TRIB3: variants seen among roughly 807,000 people sequenced by gnomAD.
TRIB3 encodes the protein tribbles pseudokinase 3, also known as tribbles homolog 3.
In TRIB3, 20 loss-of-function variants were observed where a neutral mutation model predicts 16.6. That is an observed-to-expected ratio of 1.20 (90% CI 0.85 to 1.75). TRIB3 has a LOEUF of 1.75. Among genes scored for constraint, TRIB3 ranks in the 40% most tolerant of loss-of-function variants. The pLI is 0.00. For synonymous variants in TRIB3, 208 were observed against 217.0 expected (o/e 0.96, Z 0.36); for missense variants, 484 against 488.9 (o/e 0.99, Z 0.10).
At position 391,546 on chromosome 20, in the gene TRIB3, A is replaced by G. The variant is rs1411860615; in HGVS notation, c.551A>G (p.Lys184Arg). ...HQHGLVLRDL[K>R]LCRFVFADRE... ...CACGGTCTGGTCCTGCGTGATCTCA[A>G]GCTGTGTCGCTTTGTCTTCGCTGAC... Residue 184 changes from lysine (K) to arginine (R), a missense_variant, in exon 3 of 4, where the codon AAG (lysine) becomes AGG (arginine). Lys to Arg is a conservative substitution (Grantham distance 26). Coordinates refer to ENST00000217233, the MANE Select transcript of TRIB3 (RefSeq NM_021158.5). 3 of 1,612,528 alleles carry G rather than the reference A, an allele frequency of 1.9e-6. No individual in the cohort carries two copies. The Admixed American group carries it at 5.0e-5, about 27-fold the overall frequency.
rs762231216 is a variant in TRIB3, at chr20:391,171, G to A, written c.292-116G>A. On this transcript the variant is annotated intron_variant, in intron 2 of 3. Transcript: ENST00000217233. ...GGCTGAGTGACTCGGTCAGTGAAGCGCTTGGTGCGATGCCTAGCACATGGT... is the reference window on the plus strand; with the variant it reads ...GGCTGAGTGACTCGGTCAGTGAAGCACTTGGTGCGATGCCTAGCACATGGT... 1.1e-4 allele frequency: 127 copies of A among 1,170,584 alleles called. 2 individuals carry two copies. Among genetic ancestry groups the A allele is most frequent in the African/African-American group, 1.0e-3 (69 of 65,942 alleles). The allele number at this position is 1,170,584 out of a possible 1,614,324, so 72.5% of individuals were successfully genotyped here.
intron 1 of TRIB3, among the ~76,000 whole-genome samples, chr20:384,258 A>C (rs1340761629): frequency 2.0e-5 from 3 of 152,192 alleles, no homozygotes; most frequent in African/African-American, 7.2e-5. Flanking sequence ...GTGGCTCCCC[A>C]CTGCCTTTGG....
chr20:396,506 G>A lies in TRIB3; in HGVS notation c.893G>A (p.Arg298Gln), dbSNP rs762486995. 1.3e-5 allele frequency: 21 copies of A among 1,612,962 alleles called. No homozygotes were observed. The highest frequency in any genetic ancestry group is 2.2e-5 in the South Asian group (2 of 91,088). Residue 298 changes from arginine to glutamine, a missense_variant, in exon 4 of 4, where the codon CGG (arginine) becomes CAG (glutamine). Physicochemically the swap from Arg to Gln is conservative, Grantham distance 43. Transcript: ENST00000217233. Reference protein sequence around the residue: ...ARCLVRCLLRREPAERLTATG... With the variant: ...ARCLVRCLLRQEPAERLTATG... ...TGTCTGGTTCGCTGCCTCCTTCGTC[G>A]GGAGCCAGCTGAACGGCTCACAGCC...
intron 2 of TRIB3, among the ~76,000 whole-genome samples, chr20:390,020 C>T (rs1041761533): frequency 2.6e-5 from 4 of 152,112 alleles, no homozygotes; most frequent in Non-Finnish European, 4.4e-5. Flanking sequence ...ACTAAACAAG[C>T]GAATAAGTAA....
intron 2 of TRIB3, 66 bp from the exon 3 acceptor site, chr20:391,221 T>G: frequency 6.5e-7 from 1 of 1,542,088 alleles, no homozygotes; most frequent in Admixed American, 1.7e-5. Context: ...CAGCTGTGAC[T>G]GTTTGCAATG....
In TRIB3 at chr20:391,469, G is replaced by A. The variant is rs1322993847; in HGVS notation, c.474G>A (p.Glu158=). 1 of 1,613,912 alleles carries A rather than the reference G, an allele frequency of 6.2e-7. No homozygotes were observed. The highest frequency in any genetic ancestry group is 1.3e-5 in the African/African-American group (1 of 75,078). The change falls in exon 3 of 4, where the codon GAG becomes GAA. Residue 158 remains glutamate, a synonymous_variant. Coordinates refer to ENST00000217233, the MANE Select transcript of TRIB3 (RefSeq NM_021158.5). The part of the protein sequence containing the change: ...VRSRHRIPEP[E]AAVLFRQMAT... ...GCCGCCACCGTATCCCTGAGCCTGA[G>A]GCTGCCGTGCTCTTCCGCCAGATGG...
chr20:385,899 C>CT (rs2014793047), intron 1 of TRIB3, among the ~76,000 whole-genome samples: 1 of 141,374 alleles, frequency 7.1e-6, no homozygotes, highest in South Asian at 2.6e-4. Context: ...TACTCTGTCA[C>CT]CAGGCTGGAG....
chr20:385,448 T>G (rs2014779529), intron 1 of TRIB3: 1 of 151,618 alleles, frequency 6.6e-6, no homozygotes, highest in African/African-American at 2.4e-5. Context: ...CACTTTTTTT[T>G]GCAGTCACGC....
At chr20:390,427 T>C (rs2014940015) in intron 2 of TRIB3, among the ~76,000 whole-genome samples, 1 of 152,218 alleles carries the variant, frequency 6.6e-6, no homozygotes, top group Admixed American at 6.5e-5. Flanking sequence ...TTTCTGGGCA[T>C]GTTTGCATGG....
rs1306261913 is a variant in TRIB3 at position 381,039 on chromosome 20, G to C, written c.-131G>C. The C allele has an allele frequency of 6.7e-6, 1 of 150,272 alleles. No individual in the cohort carries two copies. The highest frequency in any genetic ancestry group is 2.1e-4 in the South Asian group (1 of 4,704). 9.3% of individuals were successfully genotyped at this position (150,272 alleles called of 1,614,324 possible). A position where few individuals can be genotyped will look rare whatever the true frequency, so the allele number is the denominator to read the frequency against. ...CGGCTCCGCGCGCGTCCGCTGCTAG[G>C]ACCCGGGCAGGGCTGGAGCTGGGCT... On this transcript the variant is annotated 5_prime_UTR_variant, in exon 1 of 4. Coordinates refer to ENST00000217233, the MANE Select transcript of TRIB3 (RefSeq NM_021158.5).
chr20:383,920 C>T (rs1382499062), intron 1 of TRIB3, among the ~76,000 whole-genome samples: 1 of 152,154 alleles, frequency 6.6e-6, no homozygotes, highest in Non-Finnish European at 1.5e-5. Context: ...TCCACAGTCC[C>T]CAAAATACAG....
Position 388,033 on chromosome 20 carries a change from C to A in TRIB3, c.23C>A (p.Ala8Asp). MRATPLA[A>D]PAGSLSRKKR... ...CAGATGCGAGCCACCCCTCTGGCTG[C>A]TCCTGCGGGTTCCCTGTCCAGGAAG... The change falls in exon 2 of 4, where the codon GCT becomes GAT. Residue 8 changes from alanine to aspartate, a missense_variant. Transcript: ENST00000217233. 1 of 1,613,884 alleles carries A rather than the reference C, an allele frequency of 6.2e-7. No individual in the cohort carries two copies. Among genetic ancestry groups the A allele is most frequent in the Non-Finnish European group, 8.5e-7 (1 of 1,179,790 alleles).
At chr20:388,461 A>G (rs896452532) in intron 2 of TRIB3, among the ~76,000 whole-genome samples, 160 bp downstream of exon 2, 1 of 152,178 alleles carries the variant, frequency 6.6e-6, no homozygotes, top group African/African-American at 2.4e-5. Flanking sequence ...GATACTAGAG[A>G]GGTAAACCAG....
At chr20:390,475 T>C (rs2014941425) in intron 2 of TRIB3, among the ~76,000 whole-genome samples, 1 of 152,200 alleles carries the variant, frequency 6.6e-6, no homozygotes, top group Non-Finnish European at 1.5e-5. Context: ...CCCATGGCTG[T>C]CAGTCTAGCT....
chr20:387,631 C>T (rs977024544), intron 1 of TRIB3, among the ~76,000 whole-genome samples: 14 of 151,414 alleles, frequency 9.2e-5, no homozygotes, highest in Admixed American at 7.9e-4. Flanking sequence ...CTTAATACAT[C>T]TTGGAGATCA....
intron 3 of TRIB3, among the ~76,000 whole-genome samples, chr20:394,707 GC>G (rs1449134616): frequency 6.6e-6 from 1 of 151,876 alleles, no homozygotes; most frequent in Admixed American, 6.6e-5. Flanking sequence ...GATTGCTTGA[GC>G]CCAGAAGTTT....
At position 396,635 on chromosome 20, in the gene TRIB3, G is replaced by A; in HGVS notation, c.1022G>A (p.Gly341Glu). Residue 341 changes from glycine to glutamate, a missense_variant, in exon 4 of 4, where the codon GGG (glycine) becomes GAG (glutamate). Coordinates refer to ENST00000217233, the MANE Select transcript of TRIB3 (RefSeq NM_021158.5). ...GCCCAGGTGGTCCCTGATGGACTGG[G>A]GCTGGACGAAGCCAGGGAAGAGGAG... ...EAAQVVPDGL[G>E]LDEAREEEGD... is the part of the protein sequence containing the mutation. 1.2e-6 allele frequency: 2 copies of A among 1,613,002 alleles called. No individual in the cohort carries two copies. Among genetic ancestry groups the A allele is most frequent in the Admixed American group, 1.7e-5 (1 of 60,026 alleles).
chr20:392,102 T>C (rs1346121547), intron 3 of TRIB3, among the ~76,000 whole-genome samples: 2 of 151,984 alleles, frequency 1.3e-5, no homozygotes, highest in Non-Finnish European at 2.9e-5. Flanking sequence ...GTGAAAGTCA[T>C]AGTAGCCGAC....
intron 3 of TRIB3, among the ~76,000 whole-genome samples, chr20:394,543 G>A (rs577008045): frequency 1.3e-5 from 2 of 152,188 alleles, no homozygotes; most frequent in African/African-American, 4.8e-5. Flanking sequence ...CCAGTGCTTC[G>A]GGAAGCCAAA....
Sources: allele counts gnomAD v4.1 joint callset (sites outside exome capture counted in the v4.1 genomes callset), GRCh38; gene constraint gnomAD v4.1.1; transcripts MANE v1.5; gene names NCBI Gene and HGNC (gene_info 2026-07-23, HGNC 2026-07-21).